The following PCDHGB2 variants were observed in gnomAD, a reference collection of about 807,000 sequenced individuals.
PCDHGB2 encodes protocadherin gamma subfamily B, 2, also known as protocadherin gamma-B2.
A neutral mutation model predicts 59.3 loss-of-function variants in PCDHGB2; 55 were observed. That is an observed-to-expected ratio of 0.93 (90% CI 0.75 to 1.16). The LOEUF is 1.16. Ranked by LOEUF, PCDHGB2 falls within the 50% of genes most tolerant of loss-of-function variation. The pLI is 0.00. For synonymous variants in PCDHGB2, 516 were observed against 512.0 expected, an observed-to-expected ratio of 1.01 and a Z score of -0.11; for missense variants, 1,228 against 1,198.5, an observed-to-expected ratio of 1.02 and a Z score of -0.36.
Position 141,486,632 on chromosome 5 carries a change from A to G in PCDHGB2, c.2422-8175A>G, listed in dbSNP as rs1304397413. The G allele has an allele frequency of 6.2e-7, 1 of 1,613,580 alleles. No individual in the cohort carries two copies. Among genetic ancestry groups the G allele is most frequent in the Non-Finnish European group, 8.5e-7 (1 of 1,180,040 alleles). ...AGCCTCTGACCCAGACTCTGGCTTG[A>G]ATGCGCTTATCTCCTACTCACTCCT... On this transcript the variant is annotated intron_variant, in intron 1 of 3. Coordinates refer to ENST00000522605, the MANE Select transcript of PCDHGB2 (RefSeq NM_018923.3). This position sits in a 1 kb window ranked among gnomAD's most constrained non-coding sequence, Gnocchi z 5.0.
chr5:141,414,550 G>A (rs773044624), intron 1 of PCDHGB2: 1 of 1,613,948 alleles, frequency 6.2e-7, no homozygotes, highest in East Asian at 2.2e-5. Flanking sequence ...CTTCTCTCAA[G>A]TCTCCTACTT....
intron 1 of PCDHGB2, among the ~76,000 whole-genome samples, chr5:141,480,960 A>G (rs954219522): frequency 1.3e-5 from 2 of 152,190 alleles, no homozygotes; most frequent in African/African-American, 4.8e-5. Context: ...CGGAAGCATC[A>G]GTGAGGGAGA....
At chr5:141,385,066 C>A (rs1780827434) in intron 1 of PCDHGB2, 1 of 1,614,194 alleles carries the variant, frequency 6.2e-7, no homozygotes, top group Non-Finnish European at 8.5e-7. Flanking sequence ...GCACAAGTCA[C>A]GCCTGCTGCA....
At chr5:141,427,863 G>A (rs769808388) in intron 1 of PCDHGB2, 1 of 1,557,316 alleles carries the variant, frequency 6.4e-7, no homozygotes, top group Non-Finnish European at 8.8e-7. Context: ...GTGCGCCTTC[G>A]AGCTCACGAT....
chr5:141,481,200 T>A (rs977235584), intron 1 of PCDHGB2, among the ~76,000 whole-genome samples: 2 of 152,178 alleles, frequency 1.3e-5, no homozygotes, highest in Non-Finnish European at 2.9e-5. Flanking sequence ...CCAATTTTTT[T>A]AAAAAACATG....
rs1026815375 is a variant in PCDHGB2, at chr5:141,481,045, G to A, written c.2422-13762G>A. 4.6e-5 allele frequency among the ~76,000 whole-genome samples: 7 copies of A among 152,024 alleles called. No individual in the cohort carries two copies. In the South Asian group the frequency reaches 8.3e-4, roughly 18 times the overall value. ...TGCACTCCAGCCTGGGCGACAGAGCGAGACTCCACCTCAAAAACAAAAAGA... is the reference window on the plus strand; with the variant it reads ...TGCACTCCAGCCTGGGCGACAGAGCAAGACTCCACCTCAAAAACAAAAAGA... On this transcript the variant is annotated intron_variant, in intron 1 of 3. Coordinates refer to ENST00000522605, the MANE Select transcript of PCDHGB2 (RefSeq NM_018923.3).
At chr5:141,455,394 C>T (rs1034564159) in intron 1 of PCDHGB2, among the ~76,000 whole-genome samples, 2 of 152,004 alleles carry the variant, frequency 1.3e-5, no homozygotes, top group African/African-American at 4.8e-5. Context: ...AAGGAGCTCC[C>T]CCTTACAGAG....
At chr5:141,423,360 G>A (rs762976655) in intron 1 of PCDHGB2, 1 of 1,614,224 alleles carries the variant, frequency 6.2e-7, no homozygotes, top group Non-Finnish European at 8.5e-7. Context: ...TTGTCATCGT[G>A]CTGCTGGCAC....
At chr5:141,465,293 G>A (rs1407146382) in intron 1 of PCDHGB2, among the ~76,000 whole-genome samples, 2 of 152,258 alleles carry the variant, frequency 1.3e-5, no homozygotes, top group South Asian at 2.1e-4. Flanking sequence ...AAAGAACTGA[G>A]AGTCCTGGGA....
intron 1 of PCDHGB2, chr5:141,376,511 A>T (rs1772759246): frequency 6.2e-7 from 1 of 1,613,966 alleles, no homozygotes; most frequent in Non-Finnish European, 8.5e-7. Flanking sequence ...ACTTCAGGTG[A>T]GTTTCTTTCC....
intron 1 of PCDHGB2, among the ~76,000 whole-genome samples, chr5:141,381,166 C>A (rs1402987548): frequency 6.6e-6 from 1 of 152,204 alleles, no homozygotes; most frequent in Non-Finnish European, 1.5e-5. Context: ...ACTTAGGAGC[C>A]TCCCACAAAA....
chr5:141,396,962 T>C (rs2150689685), intron 1 of PCDHGB2, among the ~76,000 whole-genome samples: 1 of 152,308 alleles, frequency 6.6e-6, no homozygotes, highest in South Asian at 2.1e-4. Flanking sequence ...ATCCTTACTC[T>C]CCCTAAAAAT....
At chr5:141,422,498 C>T (rs1482415670) in intron 1 of PCDHGB2, 1 of 1,613,964 alleles carries the variant, frequency 6.2e-7, no homozygotes, top group Admixed American at 1.7e-5. Flanking sequence ...ATAACGTTGA[C>T]AGCCACAGAC....
At chr5:141,459,806 A>G (rs2154566682) in intron 1 of PCDHGB2, among the ~76,000 whole-genome samples, 1 of 152,342 alleles carries the variant, frequency 6.6e-6, no homozygotes, top group African/African-American at 2.4e-5. Flanking sequence ...CCTGTTGACT[A>G]GAGACACTGA....
chr5:141,405,677 C>T (rs1204978047), intron 1 of PCDHGB2, among the ~76,000 whole-genome samples: 3 of 152,088 alleles, frequency 2.0e-5, no homozygotes, highest in African/African-American at 7.2e-5. Context: ...GGGGTGTCAC[C>T]ATGTTGGCCA....
chr5:141,360,601 C>A lies in PCDHGB2; in HGVS notation c.466C>A (p.Pro156Thr). Residue 156 changes from proline to threonine, a missense_variant, in exon 1 of 4, where the codon CCA becomes ACA. Physicochemically the swap from Pro to Thr is conservative, Grantham distance 38 (BLOSUM62 -1). Coordinates refer to ENST00000522605, the MANE Select transcript of PCDHGB2 (RefSeq NM_018923.3). Reference sequence around the variant, plus strand: ...GCCAGGTACAACATTTCCACTTGACCCAGCCCTGGATTCAGATGTTGGTCC... The same window carrying A: ...GCCAGGTACAACATTTCCACTTGACACAGCCCTGGATTCAGATGTTGGTCC... ...TKPGTTFPLD[P>T]ALDSDVGPNS... The A allele has an allele frequency of 6.2e-7, 1 of 1,613,928 alleles. No individual in the cohort carries two copies. Among genetic ancestry groups the A allele is most frequent in the Non-Finnish European group, 8.5e-7 (1 of 1,179,882 alleles).
Position 141,485,835 on chromosome 5 carries a change from C to T in PCDHGB2, c.2422-8972C>T, listed in dbSNP as rs747722740. On this transcript the variant is annotated intron_variant, in intron 1 of 3. Transcript: ENST00000522605. This position sits in a 1 kb window ranked among gnomAD's most constrained non-coding sequence, Gnocchi z 5.7. ...ACTGCTGTCGATGGAGGGAACCCGC[C>T]GAGATCTGGCACCGCAGAGCTCCGG... 6.2e-7 allele frequency: 1 copy of T among 1,614,190 alleles called. No homozygotes were observed. Among genetic ancestry groups the T allele is most frequent in the Non-Finnish European group, 8.5e-7 (1 of 1,180,048 alleles).
In PCDHGB2 at chr5:141,491,177, T is replaced by G; in HGVS notation, c.2422-3630T>G. The G allele has an allele frequency of 6.2e-7, 1 of 1,614,158 alleles. No homozygotes were observed. Among genetic ancestry groups the G allele is most frequent in the Non-Finnish European group, 8.5e-7 (1 of 1,180,010 alleles). Reference sequence around the variant, plus strand: ...GACTCTGACACCCAGCAGGTGGTGGTCCTGGTGAGGGACAATGGTGACCCT... The same window carrying G: ...GACTCTGACACCCAGCAGGTGGTGGGCCTGGTGAGGGACAATGGTGACCCT... On this transcript the variant is annotated intron_variant, in intron 1 of 3. Transcript: ENST00000522605. This position sits in a 1 kb window ranked among gnomAD's most constrained non-coding sequence, Gnocchi z 6.9.
At chr5:141,505,123 C>T (rs1320836386) in intron 2 of PCDHGB2, among the ~76,000 whole-genome samples, 1 of 152,192 alleles carries the variant, frequency 6.6e-6, no homozygotes, top group African/African-American at 2.4e-5. Flanking sequence ...GATCGCGCCA[C>T]TGCACTCCAG....
Sources: allele counts gnomAD v4.1 joint callset (sites outside exome capture counted in the v4.1 genomes callset), GRCh38; gene constraint gnomAD v4.1.1; non-coding constraint Gnocchi (gnomAD v3.1); transcripts MANE v1.5; gene names NCBI Gene and HGNC (gene_info 2026-07-23, HGNC 2026-07-21).